AIF1: variants seen among roughly 807,000 people sequenced by gnomAD.
The protein encoded by AIF1 is allograft inflammatory factor 1.
Under a neutral mutation model 20.6 loss-of-function variants are expected in AIF1, and 21 were observed. The observed-to-expected ratio is 1.02, with a 90% confidence interval of 0.72 to 1.47. The LOEUF (loss-of-function observed/expected upper bound fraction) is 1.47. Among genes scored for constraint, AIF1 ranks in the 40% most tolerant of loss-of-function variants. The pLI, the probability that AIF1 is intolerant of heterozygous loss-of-function variation, is 0.00. For synonymous variants in AIF1, 52 were observed against 65.8 expected, an observed-to-expected ratio of 0.79 and a Z score of 1.01; for missense variants, 161 against 170.5, an observed-to-expected ratio of 0.94 and a Z score of 0.31.
At chr6:31,615,784 G>C in intron 3 of AIF1, 48 bp downstream of exon 3, 1 of 1,580,310 alleles carries the variant, frequency 6.3e-7, no homozygotes, top group African/African-American at 1.3e-5. Flanking sequence ...GGGTAGGAGG[G>C]TTAGGATTTC....
chr6:31,616,595 G>A lies in AIF1; in HGVS notation c.359+89G>A, dbSNP rs1343999616. The A allele has an allele frequency of 3.3e-6, 5 of 1,522,096 alleles. No individual in the cohort carries two copies. Among genetic ancestry groups the A allele is most frequent in the African/African-American group, 2.8e-5 (2 of 71,920 alleles). 94.3% of individuals were successfully genotyped at this position (1,522,096 alleles called of 1,614,324 possible). ...GTCCACAGGCTCAACATTTCTACACGTTGCCCATCATCCCTTCTTCCATCC... is the reference window on the plus strand; with the variant it reads ...GTCCACAGGCTCAACATTTCTACACATTGCCCATCATCCCTTCTTCCATCC... On this transcript the variant is annotated intron_variant, in intron 5 of 5. Coordinates refer to ENST00000376059, the MANE Select transcript of AIF1 (RefSeq NM_001623.5). The surrounding 1 kb of genome is among the most constrained non-coding windows in gnomAD (Gnocchi z 4.0).
In AIF1 at chr6:31,616,508, T is replaced by C. The variant is rs1028248229; in HGVS notation, c.359+2T>C. On this transcript the variant is annotated splice_donor_variant, in intron 5 of 5. Transcript: ENST00000376059. LOFTEE classifies it high-confidence loss of function. The surrounding 1 kb of genome is among the most constrained non-coding windows in gnomAD (Gnocchi z 4.0). ...CAAGAGATCTGCCATCCTAAAAATG[T>C]GAGTGTCAATTTCCAACCTCCCCTG... The C allele has an allele frequency of 3.1e-6, 5 of 1,602,682 alleles. No homozygotes were observed. The African/African-American group carries it at 5.4e-5, about 17-fold the overall frequency.
rs369457101 is a variant in AIF1 at position 31,616,208 on chromosome 6, C to T, written c.196+63C>T. ...CAGGCCTAAGAAGACAGAGGTCTCT[C>T]CTACATGCTCCATTCCTCATGATTT... On this transcript the variant is annotated intron_variant, in intron 4 of 5. Coordinates refer to ENST00000376059, the MANE Select transcript of AIF1 (RefSeq NM_001623.5). The surrounding 1 kb of genome is among the most constrained non-coding windows in gnomAD (Gnocchi z 4.0). 910 of 1,613,202 alleles carry T rather than the reference C, an allele frequency of 5.6e-4. 18 individuals carry two copies. In the East Asian group the frequency reaches 0.018, roughly 33 times the overall value.
chr6:31,615,381 A>C, intron 1 of AIF1, 27 bp downstream of exon 1: 1 of 1,613,128 alleles, frequency 6.2e-7, no homozygotes, highest in South Asian at 1.1e-5. Flanking sequence ...AGGCAGCGGC[A>C]TTAGATCGGA....
At position 31,616,630 on chromosome 6, in the gene AIF1, C is replaced by T; in HGVS notation, c.359+124C>T. On this transcript the variant is annotated intron_variant, in intron 5 of 5. Transcript: ENST00000376059. This position sits in a 1 kb window ranked among gnomAD's most constrained non-coding sequence, Gnocchi z 4.0. The stretch of plus-strand genomic sequence containing the variant: ...ATCCCTTCTTCCATCCTTAGAGGGA[C>T]CCTTCCAAGGTCCCGACCCCATCCC... The T allele has an allele frequency of 6.7e-7, 1 of 1,491,548 alleles. No homozygotes were observed. Among genetic ancestry groups the T allele is most frequent in the Non-Finnish European group, 8.9e-7 (1 of 1,120,000 alleles). The allele number at this position is 1,491,548 out of a possible 1,614,324, so 92.4% of individuals were successfully genotyped here.
chr6:31,616,036 C>T lies in AIF1; in HGVS notation c.155-68C>T. The T allele has an allele frequency of 6.6e-7, 1 of 1,524,480 alleles. No homozygotes were observed. The highest frequency in any genetic ancestry group is 8.8e-7 in the Non-Finnish European group (1 of 1,138,788). The allele number at this position is 1,524,480 out of a possible 1,614,324, so 94.4% of individuals were successfully genotyped here. Reference sequence around the variant, plus strand: ...CCACCTAGCAGTTGGTTGGCAACCCCTTCCTCAGTCCCCTGCTGAAAACCC... The same window carrying T: ...CCACCTAGCAGTTGGTTGGCAACCCTTTCCTCAGTCCCCTGCTGAAAACCC... On this transcript the variant is annotated intron_variant, in intron 3 of 5. Transcript: ENST00000376059. This position sits in a 1 kb window ranked among gnomAD's most constrained non-coding sequence, Gnocchi z 4.0.
rs1774411831 is a variant in AIF1 at position 31,616,732 on chromosome 6, C to T, written c.360-84C>T. The T allele has an allele frequency of 6.3e-7, 1 of 1,598,846 alleles. No individual in the cohort carries two copies. The highest frequency in any genetic ancestry group is 8.5e-7 in the Non-Finnish European group (1 of 1,171,474). The stretch of plus-strand genomic sequence containing the variant: ...CCTTCCACCCTCACATCCCCATCCC[C>T]TTCTAGCCTTTCCTAGCACCCTATG... On this transcript the variant is annotated intron_variant, in intron 5 of 5. Transcript: ENST00000376059. This position sits in a 1 kb window ranked among gnomAD's most constrained non-coding sequence, Gnocchi z 4.0.
chr6:31,616,651 A>G lies in AIF1; in HGVS notation c.359+145A>G. Reference sequence around the variant, plus strand: ...GGGACCCTTCCAAGGTCCCGACCCCATCCCTATCCATAGTCCTGGTCCCCA... The same window carrying G: ...GGGACCCTTCCAAGGTCCCGACCCCGTCCCTATCCATAGTCCTGGTCCCCA... On this transcript the variant is annotated intron_variant, in intron 5 of 5. Coordinates refer to ENST00000376059, the MANE Select transcript of AIF1 (RefSeq NM_001623.5). The surrounding 1 kb of genome is among the most constrained non-coding windows in gnomAD (Gnocchi z 4.0). 1.3e-6 allele frequency: 2 copies of G among 1,485,806 alleles called. No individual in the cohort carries two copies. The allele number at this position is 1,485,806 out of a possible 1,614,324, so 92.0% of individuals were successfully genotyped here.
chr6:31,615,652 T>C lies in AIF1; in HGVS notation c.88-18T>C. The C allele has an allele frequency of 1.2e-6, 2 of 1,613,188 alleles. No homozygotes were observed. The highest frequency in any genetic ancestry group is 1.7e-6 in the Non-Finnish European group (2 of 1,179,844). ...GGATGGGGAGGGCCTACCCTGGCTC[T>C]TATTTTCCCCTCCATAGCAATTCCT... On this transcript the variant is annotated intron_variant, in intron 2 of 5. Transcript: ENST00000376059.
chr6:31,616,455 AC>A lies in AIF1; in HGVS notation c.311del (p.Pro104LeufsTer6), dbSNP rs1275446441. The A allele has an allele frequency of 6.2e-7, 1 of 1,612,680 alleles. No homozygotes were observed. Among genetic ancestry groups the A allele is most frequent in the South Asian group, 1.1e-5 (1 of 91,044 alleles). On this transcript the variant is annotated frameshift_variant, in exon 5 of 6. Transcript: ENST00000376059. LOFTEE classifies it high-confidence loss of function. This position sits in a 1 kb window ranked among gnomAD's most constrained non-coding sequence, Gnocchi z 4.0. Reference protein sequence around the residue: ...VSSGSGETFSYPDFLRMMLGK... With the variant: ...VSSGSGETFSXPDFLRMMLGK... ...AGTGGCTCCGGGGAGACGTTCAGCT[AC>A]CCTGACTTTCTCAGGATGATGCTGG...
In AIF1 at chr6:31,616,313, C is replaced by T; in HGVS notation, c.197-31C>T. On this transcript the variant is annotated intron_variant, in intron 4 of 5. Transcript: ENST00000376059. This position sits in a 1 kb window ranked among gnomAD's most constrained non-coding sequence, Gnocchi z 4.0. ...GGAGAGGAGAGAGAGGGTCTCCCCA[C>T]CTTCTCCCCATCCCCATCCTCTGCC... 1 of 1,612,892 alleles carries T rather than the reference C, an allele frequency of 6.2e-7. No individual in the cohort carries two copies. Among genetic ancestry groups the T allele is most frequent in the South Asian group, 1.1e-5 (1 of 91,060 alleles).
chr6:31,616,953 T>A lies in AIF1; in HGVS notation c.*53T>A. The stretch of plus-strand genomic sequence containing the variant: ...GAAGGGGCTTCTAATGACCCAGATA[T>A]GGAAACAGAAGACAAAATTGTAAGC... On this transcript the variant is annotated 3_prime_UTR_variant, in exon 6 of 6. Coordinates refer to ENST00000376059, the MANE Select transcript of AIF1 (RefSeq NM_001623.5). The surrounding 1 kb of genome is among the most constrained non-coding windows in gnomAD (Gnocchi z 4.0). The A allele has an allele frequency of 6.2e-7, 1 of 1,607,576 alleles. No homozygotes were observed. Among genetic ancestry groups the A allele is most frequent in the East Asian group, 2.2e-5 (1 of 44,804 alleles).
At position 31,616,000 on chromosome 6, in the gene AIF1, C is replaced by T. The variant is rs201990754; in HGVS notation, c.155-104C>T. 43 of 1,521,696 alleles carry T rather than the reference C, an allele frequency of 2.8e-5. No homozygotes were observed. In the East Asian group the frequency reaches 7.9e-4, roughly 28 times the overall value. The allele number at this position is 1,521,696 out of a possible 1,614,324, so 94.3% of individuals were successfully genotyped here. On this transcript the variant is annotated intron_variant, in intron 3 of 5. Coordinates refer to ENST00000376059, the MANE Select transcript of AIF1 (RefSeq NM_001623.5). ...CTGCCTGCCCCTCCTCCTCCTTCCACGTTGTCTCCTCCACCTAGCAGTTGG... is the reference window on the plus strand; with the variant it reads ...CTGCCTGCCCCTCCTCCTCCTTCCATGTTGTCTCCTCCACCTAGCAGTTGG...
chr6:31,615,772 G>A (rs771988459), intron 3 of AIF1, 36 bp downstream of exon 3: 5 of 1,588,562 alleles, frequency 3.1e-6, no homozygotes, highest in Non-Finnish European at 2.6e-6. Flanking sequence ...AGACAGGGCT[G>A]GGGGTAGGAG....
rs376563950 is a variant in AIF1, at chr6:31,616,362, G to C, written c.215G>C (p.Arg72Pro). The C allele has an allele frequency of 1.2e-6, 2 of 1,612,676 alleles. No individual in the cohort carries two copies. Among genetic ancestry groups the C allele is most frequent in the Non-Finnish European group, 1.7e-6 (2 of 1,179,978 alleles). Residue 72 changes from arginine to proline, a missense_variant, in exon 5 of 6, where the codon CGA becomes CCA. Arg to Pro is a moderately radical substitution (Grantham distance 103). Coordinates refer to ENST00000376059, the MANE Select transcript of AIF1 (RefSeq NM_001623.5). The surrounding 1 kb of genome is among the most constrained non-coding windows in gnomAD (Gnocchi z 4.0). ...NGDIDIMSLK[R>P]MLEKLGVPKT... is the part of the protein sequence containing the mutation. ...CCCCCAGATATCATGTCCCTGAAAC[G>C]AATGCTGGAGAAACTTGGAGTCCCC...
At chr6:31,615,480 A>G (rs1774242060) in intron 1 of AIF1, 41 bp from the exon 2 acceptor site, 1 of 1,613,558 alleles carries the variant, frequency 6.2e-7, no homozygotes, top group South Asian at 1.1e-5. Flanking sequence ...TAAGGAGAGG[A>G]AGGGAGGGAT....
chr6:31,616,939 T>C lies in AIF1; in HGVS notation c.*39T>C. ...GGGATGATGGGATTGAAGGGGCTTC[T>C]AATGACCCAGATATGGAAACAGAAG... On this transcript the variant is annotated 3_prime_UTR_variant, in exon 6 of 6. Coordinates refer to ENST00000376059, the MANE Select transcript of AIF1 (RefSeq NM_001623.5). The surrounding 1 kb of genome is among the most constrained non-coding windows in gnomAD (Gnocchi z 4.0). The C allele has an allele frequency of 6.2e-7, 1 of 1,613,250 alleles. No individual in the cohort carries two copies. The highest frequency in any genetic ancestry group is 8.5e-7 in the Non-Finnish European group (1 of 1,179,562).
rs576973892 is a variant in AIF1 at position 31,616,631 on chromosome 6, C to A, written c.359+125C>A. 1.1e-5 allele frequency: 16 copies of A among 1,490,202 alleles called. No homozygotes were observed. Among genetic ancestry groups the A allele is most frequent in the Admixed American group, 2.5e-5 (1 of 39,712 alleles). 92.3% of individuals were successfully genotyped at this position (1,490,202 alleles called of 1,614,324 possible). On this transcript the variant is annotated intron_variant, in intron 5 of 5. Coordinates refer to ENST00000376059, the MANE Select transcript of AIF1 (RefSeq NM_001623.5). This position sits in a 1 kb window ranked among gnomAD's most constrained non-coding sequence, Gnocchi z 4.0. ...TCCCTTCTTCCATCCTTAGAGGGACCCTTCCAAGGTCCCGACCCCATCCCT... is the reference window on the plus strand; with the variant it reads ...TCCCTTCTTCCATCCTTAGAGGGACACTTCCAAGGTCCCGACCCCATCCCT...
rs1774383699 is a variant in AIF1, at chr6:31,616,480, G to A, written c.333G>A (p.Leu111=). ...ACCCTGACTTTCTCAGGATGATGCT[G>A]GGCAAGAGATCTGCCATCCTAAAAA... ...FSYPDFLRMM[L]GKRSAILKMI... The change falls in exon 5 of 6, where the codon CTG becomes CTA. Residue 111 remains leucine, a synonymous_variant. Coordinates refer to ENST00000376059, the MANE Select transcript of AIF1 (RefSeq NM_001623.5). The surrounding 1 kb of genome is among the most constrained non-coding windows in gnomAD (Gnocchi z 4.0). The A allele has an allele frequency of 6.2e-7, 1 of 1,610,624 alleles. No individual in the cohort carries two copies. Among genetic ancestry groups the A allele is most frequent in the Non-Finnish European group, 8.5e-7 (1 of 1,178,686 alleles).
Sources: allele counts gnomAD v4.1 joint callset, GRCh38; gene constraint gnomAD v4.1.1; non-coding constraint Gnocchi (gnomAD v3.1); transcripts MANE v1.5; gene names NCBI Gene and HGNC (gene_info 2026-07-23, HGNC 2026-07-21).